The following PASD1 variants were observed in gnomAD, a reference collection of about 807,000 sequenced individuals.
PASD1 encodes PAS domain containing repressor 1.
A neutral mutation model predicts 58.8 loss-of-function variants in PASD1; 13 were observed. The observed-to-expected ratio is 0.22, with a 90% confidence interval of 0.14 to 0.35. The LOEUF is 0.35. Among genes scored for constraint, PASD1 ranks in the 10% least tolerant of loss-of-function variants. The pLI is 1.00. For missense variants in PASD1, 734 were observed against 568.3 expected, an observed-to-expected ratio of 1.29 and a Z score of -2.96; for synonymous variants, 236 against 216.7, an observed-to-expected ratio of 1.09 and a Z score of -0.78.
rs1260494562 is a variant in PASD1 at position 151,625,512 on chromosome X, C to T, written c.611C>T (p.Pro204Leu). The change falls in exon 8 of 16, where the codon CCT becomes CTT. Residue 204 changes from proline to leucine, a missense_variant. Pro to Leu is a moderately conservative substitution (Grantham distance 98). Transcript: ENST00000370357. ...CTTACACAAGATTCAGATGAGGAACCTTTTGTGGGAGAGCTCAGGTGAGAG... is the reference window on the plus strand; with the variant it reads ...CTTACACAAGATTCAGATGAGGAACTTTTTGTGGGAGAGCTCAGGTGAGAG... Reference protein sequence around the residue: ...AVLTQDSDEEPFVGELSSSQG... With the variant: ...AVLTQDSDEELFVGELSSSQG... 8.3e-7 allele frequency: 1 copy of T among 1,203,318 alleles called. No individual in the cohort carries two copies. Among genetic ancestry groups the T allele is most frequent in the Non-Finnish European group, 1.1e-6 (1 of 889,031 alleles).
chrX:151,673,737 C>A, intron 14 of PASD1, 191 bp from the exon 15 acceptor site: 1 of 470,189 alleles, frequency 2.1e-6, no homozygotes, highest in South Asian at 3.4e-5. Flanking sequence ...TAATTTCTCT[C>A]AGTGTCTACA....
chrX:151,613,441 T>C (rs935288043), intron 4 of PASD1, among the ~76,000 whole-genome samples: 27 of 109,272 alleles, frequency 2.5e-4, no homozygotes, highest in African/African-American at 7.7e-4. Context: ...TGATTCTTCC[T>C]ACCCATGAGC....
In PASD1 at chrX:151,641,043, C is replaced by T. The variant is rs1177502598; in HGVS notation, c.630-7572C>T. The T allele has an allele frequency of 4.5e-5, 5 of 111,427 alleles. No homozygotes were observed. The East Asian group carries it at 1.1e-3, about 25-fold the overall frequency. The allele number at this position is 111,427 out of a possible 1,213,427, so 9.2% of individuals were successfully genotyped here. The stretch of plus-strand genomic sequence containing the variant: ...CTCTTACCACAGATTAATTGCTCTT[C>T]GGGGTACATCAGACTAAGATTTCTA... On this transcript the variant is annotated intron_variant, in intron 8 of 15. Transcript: ENST00000370357.
intron 1 of PASD1, among the ~76,000 whole-genome samples, chrX:151,597,570 CTTTA>C (rs2013336706): frequency 8.9e-6 from 1 of 111,811 alleles, no homozygotes; most frequent in South Asian, 3.7e-4. Context: ...TATAACAATG[CTTTA>C]TTTATTTCAC....
At chrX:151,630,665 A>T (rs958365805) in intron 8 of PASD1, among the ~76,000 whole-genome samples, 2 of 112,621 alleles carry the variant, frequency 1.8e-5, no homozygotes, top group African/African-American at 6.4e-5. Flanking sequence ...CAAAGGTCGT[A>T]GGGACCCACA....
intron 3 of PASD1, among the ~76,000 whole-genome samples, chrX:151,607,757 C>G (rs1390406715): frequency 8.9e-6 from 1 of 111,904 alleles, no homozygotes; most frequent in Non-Finnish European, 1.9e-5. Flanking sequence ...CAATGGGGAA[C>G]CCAGATCCCA....
At chrX:151,628,766 A>C (rs1302904093) in intron 8 of PASD1, among the ~76,000 whole-genome samples, 1 of 111,937 alleles carries the variant, frequency 8.9e-6, no homozygotes, top group Non-Finnish European at 1.9e-5. Context: ...CATTGAATCC[A>C]TAAATTACCT....
chrX:151,597,542 GTTTC>G (rs2013336217), intron 1 of PASD1, among the ~76,000 whole-genome samples: 1 of 111,161 alleles, frequency 9.0e-6, no homozygotes, highest in Non-Finnish European at 1.9e-5. Context: ...CCTCTCCCAT[GTTTC>G]TTGATTAATC....
At chrX:151,581,986 CTTT>C (rs72381794) in intron 1 of PASD1, among the ~76,000 whole-genome samples, 1 of 74,324 alleles carries the variant, frequency 1.3e-5, no homozygotes. Flanking sequence ...TTTCTTTTTC[CTTT>C]TTTTTTTTTT....
At chrX:151,607,297 T>G (rs984296080) in intron 3 of PASD1, among the ~76,000 whole-genome samples, 6 of 112,339 alleles carry the variant, frequency 5.3e-5, no homozygotes. Flanking sequence ...TGCATGTAAC[T>G]CTAGTGCATT....
intron 4 of PASD1, among the ~76,000 whole-genome samples, chrX:151,613,576 A>G (rs1379260849): frequency 1.8e-5 from 2 of 110,825 alleles, no homozygotes; most frequent in African/African-American, 3.3e-5. Flanking sequence ...TTCACTTTGA[A>G]GCAATTGCGA....
At chrX:151,645,856 T>G (rs1569412320) in intron 8 of PASD1, 1 of 107,177 alleles carries the variant, frequency 9.3e-6, no homozygotes, top group Non-Finnish European at 2.0e-5. Context: ...CCTAATGTTT[T>G]TATTTAAAAT....
chrX:151,668,538 C>G (rs1278848756), intron 11 of PASD1, among the ~76,000 whole-genome samples: 44 of 111,019 alleles, frequency 4.0e-4, no homozygotes, highest in Non-Finnish European at 7.6e-4. Flanking sequence ...CACCGCCAAT[C>G]CCACAGAAAT....
rs769223365 is a variant in PASD1 at position 151,628,117 on chromosome X, A to C, written c.629+2587A>C. Among the ~76,000 whole-genome samples the C allele has an allele frequency of 3.0e-3, 338 of 111,022 alleles. 3 individuals carry two copies. Among genetic ancestry groups the C allele is most frequent in the Non-Finnish European group, 5.4e-3 (287 of 52,917 alleles). ...ATTCTGGATATTAGCCCTTTGTCAG[A>C]TGAGTAGATTGCAAAAATTTTCTCC... is the stretch of plus-strand genomic sequence containing the variant. On this transcript the variant is annotated intron_variant, in intron 8 of 15. Transcript: ENST00000370357.
chrX:151,664,007 C>T, intron 10 of PASD1, 112 bp from the exon 11 acceptor site: 2 of 1,059,993 alleles, frequency 1.9e-6, no homozygotes. Flanking sequence ...ATTCCTGGCA[C>T]CTGGCACATC....
intron 1 of PASD1, among the ~76,000 whole-genome samples, chrX:151,589,146 T>C (rs935388892): frequency 9.0e-6 from 1 of 111,689 alleles, no homozygotes; most frequent in African/African-American, 3.3e-5. Context: ...GGCTGCTGTG[T>C]GTTATTGGGG....
rs1364596408 is a variant in PASD1, at chrX:151,676,029, TC to T, written c.2210del (p.Pro737LeufsTer17). The T allele has an allele frequency of 2.5e-6, 3 of 1,209,801 alleles. No individual in the cohort carries two copies. The highest frequency in any genetic ancestry group is 3.4e-6 in the Non-Finnish European group (3 of 894,813). On this transcript the variant is annotated frameshift_variant, in exon 16 of 16. Transcript: ENST00000370357. LOFTEE classifies it low-confidence loss of function (END_TRUNC). ...TTTCTGAGGTAGGAGTCGAGGGACC[TC>T]CTGATCCACAGGCTTTCCAAGGCCC... ...QVSEVGVEGP[P>X]DPQAFQGPAA...
chrX:151,573,178 G>A (rs2012951921), intron 1 of PASD1, among the ~76,000 whole-genome samples: 1 of 108,162 alleles, frequency 9.2e-6, no homozygotes, highest in African/African-American at 3.4e-5. Flanking sequence ...ACTCACTATG[G>A]AGAAGACAGC....
intron 1 of PASD1, among the ~76,000 whole-genome samples, chrX:151,576,337 G>C (rs1050966537): frequency 4.5e-5 from 5 of 111,917 alleles, no homozygotes; most frequent in African/African-American, 1.6e-4. Flanking sequence ...TAACACCTGA[G>C]TTAGTAATTC....
Sources: allele counts gnomAD v4.1 joint callset (sites outside exome capture counted in the v4.1 genomes callset), GRCh38; gene constraint gnomAD v4.1.1; transcripts MANE v1.5; gene names NCBI Gene and HGNC (gene_info 2026-07-23, HGNC 2026-07-21).